Variants in BCAS3 observed in about 807,000 individuals in gnomAD.
BCAS3 encodes the protein BCAS3 microtubule associated cell migration factor, also known as BCAS4/BCAS3 fusion.
In BCAS3, 53 loss-of-function variants were observed where a neutral mutation model predicts 116.1. That is an observed-to-expected ratio of 0.46 (90% CI 0.37 to 0.57). The LOEUF (loss-of-function observed/expected upper bound fraction) is 0.57, where lower values mean the gene tolerates loss of function less well. BCAS3 is among the 20% of genes least tolerant of loss of function. The probability of loss-of-function intolerance (pLI) is 0.00; values close to 1 mark genes in which losing one functional copy is unlikely to be tolerated. For missense variants in BCAS3, 917 were observed against 1,165.4 expected (o/e 0.79, Z 3.10); for synonymous variants, 391 against 408.2 (o/e 0.96, Z 0.51).
chr17:61,265,453 C>T lies in BCAS3; in HGVS notation c.2426-102874C>T, dbSNP rs1417292008. Among the ~76,000 whole-genome samples, 1 of 151,710 alleles carries T rather than the reference C, an allele frequency of 6.6e-6. No individual in the cohort carries two copies. The highest frequency in any genetic ancestry group is 6.6e-5 in the Admixed American group (1 of 15,228). On this transcript the variant is annotated intron_variant, in intron 22 of 23. Coordinates refer to ENST00000407086, the MANE Select transcript of BCAS3 (RefSeq NM_017679.5). The surrounding 1 kb of genome is among the most constrained non-coding windows in gnomAD (Gnocchi z 4.3). ...CAGTACCTGATACATAACAGATATT[C>T]AATAATTGTTCCCTTCCTTCCCCTC...
intron 22 of BCAS3, among the ~76,000 whole-genome samples, chr17:61,317,097 G>A (rs1272330652): frequency 3.3e-5 from 5 of 152,208 alleles, no homozygotes. Context: ...GTTCTAAAGA[G>A]TAGTGTCTTC....
chr17:60,701,754 G>T (rs2036422010), intron 4 of BCAS3, among the ~76,000 whole-genome samples: 1 of 148,366 alleles, frequency 6.7e-6, no homozygotes, highest in African/African-American at 2.5e-5. Context: ...GAGGTCAGGA[G>T]TTCAGGACTA....
At position 61,076,286 on chromosome 17, in the gene BCAS3, G is replaced by A. The variant is rs73324854; in HGVS notation, c.2130+1266G>A. On this transcript the variant is annotated intron_variant, in intron 20 of 23. Transcript: ENST00000407086. ...TTCATCGGACAGGTGCCTCAAAAAT[G>A]TGGAGGCCATTTGTAGTTTCATTTC... Among the ~76,000 whole-genome samples, 390 of 152,332 alleles carry A rather than the reference G, an allele frequency of 2.6e-3. 4 individuals carry two copies. Among genetic ancestry groups the A allele is most frequent in the African/African-American group, 9.0e-3 (373 of 41,572 alleles).
At chr17:60,753,342 A>G (rs952647225) in intron 6 of BCAS3, among the ~76,000 whole-genome samples, 1 of 151,272 alleles carries the variant, frequency 6.6e-6, no homozygotes, top group Non-Finnish European at 1.5e-5. Context: ...CTTTTCTTGA[A>G]AGTTTAATTA....
chr17:60,725,280 T>C (rs1054369072), intron 5 of BCAS3, among the ~76,000 whole-genome samples: 18 of 152,330 alleles, frequency 1.2e-4, no homozygotes, highest in African/African-American at 4.1e-4. Context: ...GAATTCTAAA[T>C]ATGCTAGAAA....
chr17:60,820,423 T>C (rs2049855308), intron 7 of BCAS3, among the ~76,000 whole-genome samples: 1 of 152,090 alleles, frequency 6.6e-6, no homozygotes, highest in Admixed American at 6.6e-5. Context: ...ATTCTGAAGG[T>C]CCAGAGAGCC....
rs116815667 is a variant in BCAS3, at chr17:61,131,766, C to T, written c.2425+47202C>T. Among the ~76,000 whole-genome samples the T allele has an allele frequency of 3.2e-3, 483 of 152,294 alleles. 3 individuals are homozygous for T. Among genetic ancestry groups the T allele is most frequent in the African/African-American group, 0.011 (468 of 41,566 alleles). On this transcript the variant is annotated intron_variant, in intron 22 of 23. Transcript: ENST00000407086. The surrounding 1 kb of genome is among the most constrained non-coding windows in gnomAD (Gnocchi z 4.4). ...CCCTTAGGGGCTGAGCAGAAACACT[C>T]ATGAAGGAGCCCTGATTAAAAAGAG...
At chr17:60,914,722 A>G (rs1267937914) in intron 12 of BCAS3, among the ~76,000 whole-genome samples, 2 of 152,190 alleles carry the variant, frequency 1.3e-5, no homozygotes, top group Non-Finnish European at 2.9e-5. Flanking sequence ...AGTGAAGACA[A>G]TGAAACTGAA....
chr17:61,055,141 T>C (rs1326972184), intron 19 of BCAS3, among the ~76,000 whole-genome samples: 2 of 152,216 alleles, frequency 1.3e-5, no homozygotes, highest in African/African-American at 4.8e-5. Flanking sequence ...TAAAATAGAA[T>C]GGTCTGTCTG....
intron 7 of BCAS3, among the ~76,000 whole-genome samples, chr17:60,831,811 C>T (rs893420324): frequency 6.6e-6 from 1 of 151,290 alleles, no homozygotes; most frequent in African/African-American, 2.4e-5. Flanking sequence ...TAGATGTAGT[C>T]ACATTTATCT....
intron 13 of BCAS3, among the ~76,000 whole-genome samples, chr17:60,942,583 A>G (rs967186797): frequency 6.9e-4 from 105 of 152,330 alleles, no homozygotes; most frequent in African/African-American, 2.2e-3. Context: ...AATTTATTAA[A>G]TTATTTATAA....
chr17:60,702,603 T>C (rs2036560200), intron 4 of BCAS3, among the ~76,000 whole-genome samples: 1 of 152,144 alleles, frequency 6.6e-6, no homozygotes, highest in African/African-American at 2.4e-5. Flanking sequence ...ATTTTTTTTT[T>C]CTTTGAGACA....
intron 22 of BCAS3, among the ~76,000 whole-genome samples, chr17:61,338,109 A>T (rs566191261): frequency 6.6e-6 from 1 of 152,338 alleles, no homozygotes; most frequent in South Asian, 2.1e-4. Context: ...TATTTGTTGG[A>T]TGAATAACCA....
At chr17:60,911,427 T>A (rs1332822330) in intron 12 of BCAS3, among the ~76,000 whole-genome samples, 1 of 152,186 alleles carries the variant, frequency 6.6e-6, no homozygotes, top group African/African-American at 2.4e-5. Flanking sequence ...GCCTTCCAGG[T>A]AGCTGGGATG....
At chr17:61,006,766 T>G (rs530822903) in intron 15 of BCAS3, among the ~76,000 whole-genome samples, 2 of 152,186 alleles carry the variant, frequency 1.3e-5, no homozygotes, top group South Asian at 4.1e-4. Flanking sequence ...TGCTTTAATA[T>G]GATACATTTA....
chr17:61,229,386 A>G lies in BCAS3; in HGVS notation c.2426-138941A>G, dbSNP rs1283121328. 6.6e-6 allele frequency among the ~76,000 whole-genome samples: 1 copy of G among 152,272 alleles called. No homozygotes were observed. The highest frequency in any genetic ancestry group is 1.5e-5 in the Non-Finnish European group (1 of 68,048). On this transcript the variant is annotated intron_variant, in intron 22 of 23. Coordinates refer to ENST00000407086, the MANE Select transcript of BCAS3 (RefSeq NM_017679.5). This position sits in a 1 kb window ranked among gnomAD's most constrained non-coding sequence, Gnocchi z 4.4. ...GCTGATGGAGAAGCTCCAGCCAGTT[A>G]TCTAGAAGATCTAGCCAAGATCATT...
intron 5 of BCAS3, among the ~76,000 whole-genome samples, chr17:60,736,892 C>CCCTCCCTCCCTT (rs2041029141): frequency 7.7e-6 from 1 of 130,494 alleles, no homozygotes; most frequent in Admixed American, 7.8e-5. Flanking sequence ...CTCCCTCCCT[C>CCCTCCCTCCCTT]CCTCCCTTCC....
rs895805592 is a variant in BCAS3, at chr17:61,032,165, T to C, written c.1638-2501T>C. On this transcript the variant is annotated intron_variant, in intron 16 of 23. Coordinates refer to ENST00000407086, the MANE Select transcript of BCAS3 (RefSeq NM_017679.5). This position sits in a 1 kb window ranked among gnomAD's most constrained non-coding sequence, Gnocchi z 4.6. ...TATTTTTAAGTCTGTTTAGGATGCA[T>C]ACTTCAGAGGGACCATATTTTCTCT... Among the ~76,000 whole-genome samples the C allele has an allele frequency of 6.6e-6, 1 of 152,154 alleles. No homozygotes were observed. Among genetic ancestry groups the C allele is most frequent in the East Asian group, 1.9e-4 (1 of 5,206 alleles).
At chr17:60,810,335 G>A in intron 7 of BCAS3, 3 of 446,604 alleles carry the variant, frequency 6.7e-6, no homozygotes, top group South Asian at 3.6e-5. Flanking sequence ...TTCTGGGGTG[G>A]CATGGGGTCC....
Sources: allele counts gnomAD v4.1 joint callset (sites outside exome capture counted in the v4.1 genomes callset), GRCh38; gene constraint gnomAD v4.1.1; non-coding constraint Gnocchi (gnomAD v3.1); transcripts MANE v1.5; gene names NCBI Gene and HGNC (gene_info 2026-07-23, HGNC 2026-07-21).